RCAN1: variants seen among roughly 807,000 people sequenced by gnomAD.
RCAN1 encodes the protein calcipressin-1.
A neutral mutation model predicts 22.9 loss-of-function variants in RCAN1; 11 were observed. That is an observed-to-expected ratio of 0.48 (90% confidence interval 0.30 to 0.79). RCAN1 has a LOEUF of 0.79. RCAN1 is among the 30% of genes least tolerant of loss of function. The pLI is 0.06. For synonymous variants in RCAN1, 136 were observed against 142.3 expected (o/e 0.96, Z 0.32); for missense variants, 291 against 337.8 (o/e 0.86, Z 1.09).
intron 1 of RCAN1, among the ~76,000 whole-genome samples, chr21:34,608,606 G>A (rs1019348088): frequency 8.5e-5 from 13 of 152,154 alleles, no homozygotes; most frequent in African/African-American, 2.9e-4. Flanking sequence ...TGCAGCCTTG[G>A]GAGAGACTCT....
chr21:34,576,481 G>A (rs1170727413), intron 1 of RCAN1, among the ~76,000 whole-genome samples: 4 of 152,172 alleles, frequency 2.6e-5, no homozygotes, highest in Non-Finnish European at 4.4e-5. Flanking sequence ...GCTGTGACAC[G>A]TTCCAGGCTT....
chr21:34,518,978 CG>C lies in RCAN1; in HGVS notation c.587-723del, dbSNP rs1984262533. On this transcript the variant is annotated intron_variant, in intron 3 of 3. Transcript: ENST00000313806. The surrounding 1 kb of genome is among the most constrained non-coding windows in gnomAD (Gnocchi z 4.2). ...GGACTGGGGCCTCCCGCTGGGGTGCCGCTCTGGCCACGGGAAGAGTGTGCAT... is the reference window on the plus strand; with the variant it reads ...GGACTGGGGCCTCCCGCTGGGGTGCCCTCTGGCCACGGGAAGAGTGTGCAT... 6.6e-6 allele frequency among the ~76,000 whole-genome samples: 1 copy of C among 152,200 alleles called. No homozygotes were observed. Among genetic ancestry groups the C allele is most frequent in the African/African-American group, 2.4e-5 (1 of 41,446 alleles).
At chr21:34,538,719 C>G (rs1161242623) in intron 1 of RCAN1, among the ~76,000 whole-genome samples, 2 of 152,136 alleles carry the variant, frequency 1.3e-5, no homozygotes, top group Non-Finnish European at 2.9e-5. Flanking sequence ...CTTGATACCC[C>G]CACGTTGGTC....
chr21:34,589,682 G>C (rs1987907616), intron 1 of RCAN1, among the ~76,000 whole-genome samples: 1 of 149,850 alleles, frequency 6.7e-6, no homozygotes, highest in East Asian at 2.0e-4. Context: ...CTGGGGGCCT[G>C]AAGAGAACAA....
At chr21:34,587,430 T>C (rs1325081602) in intron 1 of RCAN1, among the ~76,000 whole-genome samples, 1 of 152,176 alleles carries the variant, frequency 6.6e-6, no homozygotes, top group Non-Finnish European at 1.5e-5. Context: ...TTTCTACTTA[T>C]TTTATGCTTT....
At chr21:34,598,460 A>G (rs997148180) in intron 1 of RCAN1, among the ~76,000 whole-genome samples, 4 of 152,252 alleles carry the variant, frequency 2.6e-5, no homozygotes, top group Non-Finnish European at 5.9e-5. Context: ...AGCACTGCTT[A>G]GCAAACAACA....
At chr21:34,545,738 G>A (rs1370465058) in intron 1 of RCAN1, among the ~76,000 whole-genome samples, 8 of 152,206 alleles carry the variant, frequency 5.3e-5, no homozygotes, top group African/African-American at 1.9e-4. Context: ...AATGCCAGCA[G>A]CTTTCCCCCA....
rs575345432 is a variant in RCAN1 at position 34,613,656 on chromosome 21, T to A, written c.252+1104A>T. 1.2e-4 allele frequency: 137 copies of A among 1,119,824 alleles called. No homozygotes were observed. The African/African-American group carries it at 1.8e-3, about 15-fold the overall frequency. The allele number at this position is 1,119,824 out of a possible 1,614,324, so 69.4% of individuals were successfully genotyped here. ...GGAAAAGGTTTTAGAGTAAGATCAA[T>A]CAGTAAGACCCTGAGTTCCTGACAA... On this transcript the variant is annotated intron_variant, in intron 1 of 3. Coordinates refer to ENST00000313806, the MANE Select transcript of RCAN1 (RefSeq NM_004414.7).
intron 1 of RCAN1, among the ~76,000 whole-genome samples, chr21:34,560,501 C>A (rs2123663115): frequency 6.6e-6 from 1 of 152,252 alleles, no homozygotes; most frequent in East Asian, 1.9e-4. Context: ...CATACTGATA[C>A]TTATTTTAAG....
intron 1 of RCAN1, among the ~76,000 whole-genome samples, chr21:34,562,475 T>C (rs890772157): frequency 1.8e-4 from 27 of 152,202 alleles, no homozygotes; most frequent in Non-Finnish European, 3.4e-4. Flanking sequence ...AGGAGTGATG[T>C]GGGAGAGCAG....
rs150927882 is a variant in RCAN1 at position 34,546,037 on chromosome 21, C to T, written c.253-22327G>A. On this transcript the variant is annotated intron_variant, in intron 1 of 3. Transcript: ENST00000313806. Reference sequence around the variant, plus strand: ...CTGGATCTCTGTGGGTTGAAAAACGCTCATAGAAATGTTGAAGGACATCAG... The same window carrying T: ...CTGGATCTCTGTGGGTTGAAAAACGTTCATAGAAATGTTGAAGGACATCAG... Among the ~76,000 whole-genome samples the T allele has an allele frequency of 7.9e-5, 12 of 152,226 alleles. 1 individual carries two copies. Among genetic ancestry groups the T allele is most frequent in the African/African-American group, 2.9e-4 (12 of 41,526 alleles).
chr21:34,562,853 C>T (rs1291036123), intron 1 of RCAN1, among the ~76,000 whole-genome samples: 1 of 152,190 alleles, frequency 6.6e-6, no homozygotes, highest in African/African-American at 2.4e-5. Flanking sequence ...TAATAACGCA[C>T]AGTAGGATAT....
At chr21:34,568,487 G>A (rs183936904) in intron 1 of RCAN1, among the ~76,000 whole-genome samples, 7 of 152,350 alleles carry the variant, frequency 4.6e-5, no homozygotes, top group African/African-American at 1.4e-4. Context: ...GTTTGTTGGC[G>A]AGATGGCAGC....
chr21:34,554,290 A>G (rs1352099521), intron 1 of RCAN1, among the ~76,000 whole-genome samples: 4 of 152,240 alleles, frequency 2.6e-5, no homozygotes, highest in African/African-American at 9.6e-5. Context: ...TCATTATTTT[A>G]TTAAGAATCA....
chr21:34,604,216 C>T (rs759411668), intron 1 of RCAN1, among the ~76,000 whole-genome samples: 4 of 152,260 alleles, frequency 2.6e-5, no homozygotes, highest in East Asian at 1.9e-4. Flanking sequence ...TTGCAACCTC[C>T]GCCTCCCGGG....
At chr21:34,568,262 G>A (rs1987104770) in intron 1 of RCAN1, among the ~76,000 whole-genome samples, 1 of 152,124 alleles carries the variant, frequency 6.6e-6, no homozygotes, top group Non-Finnish European at 1.5e-5. Flanking sequence ...ACTTTTTTGT[G>A]CTCATGTTAG....
chr21:34,594,735 T>A (rs1988091161), intron 1 of RCAN1, among the ~76,000 whole-genome samples: 1 of 152,158 alleles, frequency 6.6e-6, no homozygotes, highest in Non-Finnish European at 1.5e-5. Context: ...AGATCAGTGT[T>A]AGGAGTCAGA....
intron 1 of RCAN1, among the ~76,000 whole-genome samples, chr21:34,567,234 G>A (rs1028452416): frequency 2.6e-5 from 4 of 152,202 alleles, no homozygotes; most frequent in African/African-American, 4.8e-5. Flanking sequence ...GGTGGCTCAC[G>A]CCTGTAATCC....
intron 1 of RCAN1, chr21:34,526,790 C>G: frequency 6.3e-7 from 1 of 1,590,068 alleles, no homozygotes; most frequent in Non-Finnish European, 8.6e-7. Flanking sequence ...CCCACGCAGT[C>G]AAGCCCCTAG....
Sources: allele counts gnomAD v4.1 joint callset (sites outside exome capture counted in the v4.1 genomes callset), GRCh38; gene constraint gnomAD v4.1.1; non-coding constraint Gnocchi (gnomAD v3.1); transcripts MANE v1.5; gene names NCBI Gene and HGNC (gene_info 2026-07-23, HGNC 2026-07-21).